Variants in FNBP1L observed in about 807,000 individuals in gnomAD.
FNBP1L encodes formin-binding protein 1-like.
FNBP1L carries 36 observed loss-of-function variants against 91.2 expected under a neutral mutation model. The observed-to-expected ratio is 0.39, with a 90% CI of 0.30 to 0.52. The LOEUF is 0.52. Ranked by LOEUF, FNBP1L falls within the 20% of genes least tolerant of loss-of-function variation. FNBP1L has a pLI of 0.66. For synonymous variants in FNBP1L, 242 were observed against 237.0 expected, an observed-to-expected ratio of 1.02 and a Z score of -0.19; for missense variants, 571 against 732.1, an observed-to-expected ratio of 0.78 and a Z score of 2.54.
intron 1 of FNBP1L, among the ~76,000 whole-genome samples, chr1:93,478,370 A>G (rs1436364077): frequency 1.3e-5 from 2 of 152,182 alleles, no homozygotes; most frequent in Middle Eastern, 3.2e-3. Context: ...GTATCAGAGC[A>G]TGAATGGGAT....
intron 1 of FNBP1L, among the ~76,000 whole-genome samples, chr1:93,459,399 A>T (rs892087372): frequency 6.6e-6 from 1 of 152,158 alleles, no homozygotes; most frequent in Non-Finnish European, 1.5e-5. Flanking sequence ...CAACTTGATT[A>T]AAAAAATGGG....
At chr1:93,457,794 A>G (rs1362188959) in intron 1 of FNBP1L, among the ~76,000 whole-genome samples, 2 of 149,842 alleles carry the variant, frequency 1.3e-5, no homozygotes, top group East Asian at 3.9e-4. Flanking sequence ...TATTATTATT[A>G]TTATTAATTT....
At chr1:93,541,012 T>G in intron 10 of FNBP1L, 30 bp from the exon 11 acceptor site, 1 of 1,534,866 alleles carries the variant, frequency 6.5e-7, no homozygotes, top group Non-Finnish European at 8.7e-7. Flanking sequence ...TAATTTACCA[T>G]TTCTTTCTGT....
intron 2 of FNBP1L, among the ~76,000 whole-genome samples, chr1:93,511,017 T>C (rs1167740823): frequency 2.0e-5 from 3 of 152,166 alleles, no homozygotes; most frequent in African/African-American, 4.8e-5. Context: ...TGGAACCAAG[T>C]TGGAAAACAC....
At chr1:93,458,667 C>T (rs1270502249) in intron 1 of FNBP1L, among the ~76,000 whole-genome samples, 2 of 151,544 alleles carry the variant, frequency 1.3e-5, no homozygotes, top group Non-Finnish European at 2.9e-5. Flanking sequence ...AGGAAGCAGT[C>T]AACAGAGTGA....
At chr1:93,457,977 G>C (rs542799642) in intron 1 of FNBP1L, among the ~76,000 whole-genome samples, 1 of 151,974 alleles carries the variant, frequency 6.6e-6, no homozygotes, top group East Asian at 1.9e-4. Flanking sequence ...GTTTTTAGTA[G>C]AGACAGGGTT....
intron 3 of FNBP1L, among the ~76,000 whole-genome samples, chr1:93,522,336 G>C (rs534076989): frequency 6.6e-6 from 1 of 152,122 alleles, no homozygotes; most frequent in Admixed American, 6.5e-5. Flanking sequence ...CAGTTTTCTA[G>C]AATAGTCAGA....
At chr1:93,452,449 A>G (rs1352647473) in intron 1 of FNBP1L, among the ~76,000 whole-genome samples, 2 of 152,240 alleles carry the variant, frequency 1.3e-5, no homozygotes, top group African/African-American at 2.4e-5. Flanking sequence ...GAAAAGACCT[A>G]CAGGTAATTT....
At chr1:93,523,306 TAAAAG>T in intron 3 of FNBP1L, 33 bp from the exon 4 acceptor site, 1 of 1,560,920 alleles carries the variant, frequency 6.4e-7, no homozygotes, top group Non-Finnish European at 8.7e-7. Flanking sequence ...GTAATGAAAA[TAAAAG>T]TAAGTCTCAC....
chr1:93,532,801 A>G, intron 7 of FNBP1L, 121 bp from the exon 8 acceptor site: 1 of 648,762 alleles, frequency 1.5e-6, no homozygotes, highest in East Asian at 2.9e-5. Flanking sequence ...AAAAGGTATT[A>G]ACAACAGTGT....
chr1:93,527,464 AG>A (rs1451031191), intron 5 of FNBP1L, among the ~76,000 whole-genome samples: 1 of 152,090 alleles, frequency 6.6e-6, no homozygotes, highest in East Asian at 1.9e-4. Flanking sequence ...TCGATAAAGG[AG>A]GTTAGGTAAA....
chr1:93,486,699 C>T (rs934955030), intron 1 of FNBP1L, among the ~76,000 whole-genome samples: 1 of 152,172 alleles, frequency 6.6e-6, no homozygotes, highest in Non-Finnish European at 1.5e-5. Context: ...AGAATTTCCA[C>T]GTGCTCCTAC....
At position 93,533,081 on chromosome 1, in the gene FNBP1L, TA is replaced by T. The variant is rs200815089; in HGVS notation, c.786+15del. 243 of 1,567,120 alleles carry T rather than the reference TA, an allele frequency of 1.6e-4. 7 individuals are homozygous for T. The East Asian group carries it at 2.1e-3, about 14-fold the overall frequency. ...TGATGAAAGAAGAGTAAGTGCTAAA[TA>T]ATTATCTTTGAATGCATCTGTTTGG... On this transcript the variant is annotated intron_variant, in intron 8 of 16. Transcript: ENST00000271234.
chr1:93,537,679 T>A (rs1436871940), intron 10 of FNBP1L, among the ~76,000 whole-genome samples: 1 of 152,110 alleles, frequency 6.6e-6, no homozygotes, highest in Non-Finnish European at 1.5e-5. Context: ...TTTTGAAAAG[T>A]CCCCATGGAT....
chr1:93,523,933 C>T (rs1671417849), intron 4 of FNBP1L, among the ~76,000 whole-genome samples: 1 of 152,080 alleles, frequency 6.6e-6, no homozygotes, highest in Non-Finnish European at 1.5e-5. Flanking sequence ...GACTGTGTGG[C>T]TTAAAAAGCC....
At chr1:93,524,459 T>C (rs1046745067) in intron 5 of FNBP1L, 136 bp downstream of exon 5, 3 of 585,164 alleles carry the variant, frequency 5.1e-6, no homozygotes, top group African/African-American at 3.9e-5. Context: ...TATTATTGTA[T>C]AATAGTCAAT....
chr1:93,488,847 C>G (rs776162279), intron 1 of FNBP1L, among the ~76,000 whole-genome samples: 9 of 152,058 alleles, frequency 5.9e-5, no homozygotes, highest in Non-Finnish European at 8.8e-5. Context: ...TAAAAACATG[C>G]AGGTATTGTG....
At position 93,536,343 on chromosome 1, in the gene FNBP1L, A is replaced by T. The variant is rs761838495; in HGVS notation, c.1002A>T (p.Pro334=). The T allele has an allele frequency of 6.6e-7, 1 of 1,516,466 alleles. No homozygotes were observed. The highest frequency in any genetic ancestry group is 1.3e-5 in the South Asian group (1 of 77,500). The allele number at this position is 1,516,466 out of a possible 1,614,324, so 93.9% of individuals were successfully genotyped here. ...TATTTCCATATTAGCCACAGTCCCC[A>T]CCCTTAACCCCTACTAGTTTATTCA... ...LFGKKPKPQS[P]PLTPTSLFTS... Residue 334 remains proline (P), a synonymous_variant, in exon 10 of 17, where the codon CCA becomes CCT. Coordinates refer to ENST00000271234, the MANE Select transcript of FNBP1L (RefSeq NM_001164473.3).
At chr1:93,534,383 C>G (rs1217627046) in intron 8 of FNBP1L, among the ~76,000 whole-genome samples, 1 of 152,036 alleles carries the variant, frequency 6.6e-6, no homozygotes, top group East Asian at 1.9e-4. Flanking sequence ...TAACCTCTTT[C>G]TGTATTCTTT....
Sources: gnomAD v4.1 joint callset for allele counts (sites outside exome capture counted in the v4.1 genomes callset) on GRCh38, gnomAD v4.1.1 for gene constraint, MANE v1.5 for transcripts, NCBI Gene and HGNC (gene_info 2026-07-23, HGNC 2026-07-21) for gene names.